IL17D: variants seen among roughly 807,000 people sequenced by gnomAD.
The protein encoded by IL17D is interleukin 17D.
A neutral mutation model predicts 5.7 loss-of-function variants in IL17D; 10 were observed. The ratio of observed to expected loss-of-function variants is 1.75; its 90% CI spans 1.08 to 2.97. IL17D has a LOEUF of 2.97. IL17D is among the 30% of genes most tolerant of loss of function. IL17D has a pLI of 0.00. For missense variants in IL17D, 354 were observed against 292.7 expected, an observed-to-expected ratio of 1.21 and a Z score of -1.53; for synonymous variants, 172 against 141.7, an observed-to-expected ratio of 1.21 and a Z score of -1.52.
intron 1 of IL17D, among the ~76,000 whole-genome samples, chr13:20,708,843 C>CAAAAAAAAAA (rs10644027): frequency 1.8e-5 from 2 of 111,842 alleles, no homozygotes. Flanking sequence ...ACTAAAAATA[C>CAAAAAAAAAA]AAAAAAAAAA....
intron 1 of IL17D, among the ~76,000 whole-genome samples, chr13:20,720,833 G>A (rs1281893133): frequency 6.6e-6 from 1 of 151,492 alleles, no homozygotes; most frequent in East Asian, 1.9e-4. Context: ...AGCTTGGCCG[G>A]TGGCCTCGGG....
intron 1 of IL17D, among the ~76,000 whole-genome samples, chr13:20,706,132 C>T (rs1422010224): frequency 1.3e-5 from 2 of 152,164 alleles, no homozygotes; most frequent in Admixed American, 6.5e-5. Flanking sequence ...CCCCTGCCCA[C>T]GGGGAAGTTG....
chr13:20,718,458 C>T (rs1566520973), intron 1 of IL17D, among the ~76,000 whole-genome samples: 1 of 145,462 alleles, frequency 6.9e-6, no homozygotes, highest in African/African-American at 2.6e-5. Context: ...GCTCACACAC[C>T]CACACACACC....
rs770654728 is a variant in IL17D, at chr13:20,721,808, G to A, written c.463G>A (p.Val155Ile). 4 of 1,609,988 alleles carry A rather than the reference G, an allele frequency of 2.5e-6. No homozygotes were observed. The Admixed American group carries it at 5.0e-5, about 20-fold the overall frequency. The change falls in exon 2 of 2, where the codon GTC (valine) becomes ATC (isoleucine). Residue 155 changes from valine to isoleucine, a missense_variant. By Grantham distance (29) the Val-to-Ile change is conservative. Transcript: ENST00000682841. Reference protein sequence around the residue: ...RTPACAGGRSVYTEAYVTIPV... With the variant: ...RTPACAGGRSIYTEAYVTIPV... Reference sequence around the variant, plus strand: ...CCCCGCCTGCGCCGGCGGCCGTTCCGTCTACACCGAGGCCTACGTCACCAT... The same window carrying A: ...CCCCGCCTGCGCCGGCGGCCGTTCCATCTACACCGAGGCCTACGTCACCAT...
rs2058682990 is a variant in IL17D, at chr13:20,716,970, G to GA, written c.291-4665dup. Reference sequence around the variant, plus strand: ...AGTTAGAGGACACATCAGGTGGCCCGATCCTCCCTCGGAATGTGTTCATTG... The same window carrying GA: ...AGTTAGAGGACACATCAGGTGGCCCGAATCCTCCCTCGGAATGTGTTCATTG... On this transcript the variant is annotated intron_variant, in intron 1 of 1. Coordinates refer to ENST00000682841, the MANE Select transcript of IL17D (RefSeq NM_001385224.1). The surrounding 1 kb of genome is among the most constrained non-coding windows in gnomAD (Gnocchi z 4.2). 6.6e-6 allele frequency: 1 copy of GA among 152,236 alleles called. No homozygotes were observed. Among genetic ancestry groups the GA allele is most frequent in the African/African-American group, 2.4e-5 (1 of 41,462 alleles). 9.4% of individuals were successfully genotyped at this position (152,236 alleles called of 1,614,324 possible).
At chr13:20,706,536 T>A (rs1378714975) in intron 1 of IL17D, among the ~76,000 whole-genome samples, 1 of 152,236 alleles carries the variant, frequency 6.6e-6, no homozygotes, top group African/African-American at 2.4e-5. Context: ...TTGATGGTAT[T>A]TGAGCAAAAT....
chr13:20,722,027 C>G lies in IL17D; in HGVS notation c.*73C>G, dbSNP rs929836531. 14 of 1,304,298 alleles carry G rather than the reference C, an allele frequency of 1.1e-5. No homozygotes were observed. Among genetic ancestry groups the G allele is most frequent in the Non-Finnish European group, 1.3e-5 (13 of 974,050 alleles). The allele number at this position is 1,304,298 out of a possible 1,614,324, so 80.8% of individuals were successfully genotyped here. On this transcript the variant is annotated 3_prime_UTR_variant, in exon 2 of 2. Transcript: ENST00000682841. ...CCAAGCTGGAGCCGCCTGGAGGGCT[C>G]GGTCGGCGACCTCTGAAGAGAGTGC...
At position 20,721,826 on chromosome 13, in the gene IL17D, G is replaced by A; in HGVS notation, c.481G>A (p.Val161Ile). The A allele has an allele frequency of 6.2e-7, 1 of 1,610,572 alleles. No individual in the cohort carries two copies. Among genetic ancestry groups the A allele is most frequent in the South Asian group, 1.1e-5 (1 of 91,062 alleles). The stretch of plus-strand genomic sequence containing the variant: ...CCGTTCCGTCTACACCGAGGCCTAC[G>A]TCACCATCCCCGTGGGCTGCACCTG... ...GGRSVYTEAY[V>I]TIPVGCTCVP... Residue 161 changes from valine to isoleucine, a missense_variant, in exon 2 of 2, where the codon GTC (valine) becomes ATC (isoleucine). By Grantham distance (29) the Val-to-Ile change is conservative. Transcript: ENST00000682841.
At chr13:20,719,359 TCACA>T (rs1176553051) in intron 1 of IL17D, among the ~76,000 whole-genome samples, 12 of 126,942 alleles carry the variant, frequency 9.5e-5, no homozygotes, top group South Asian at 5.2e-4. Context: ...CTGCCCATAC[TCACA>T]CACATGCCCA....
upstream of IL17D, chr13:20,703,463 G>A (rs899881390): frequency 6.1e-6 from 6 of 978,452 alleles, no homozygotes; most frequent in African/African-American, 8.8e-5. Flanking sequence ...AAAGACCACA[G>A]GGGGCTTCTC....
chr13:20,721,869 A>G lies in IL17D; in HGVS notation c.524A>G (p.Lys175Arg), dbSNP rs1156605538. 3 of 1,610,360 alleles carry G rather than the reference A, an allele frequency of 1.9e-6. No individual in the cohort carries two copies. In the East Asian group the frequency reaches 6.7e-5, roughly 36 times the overall value. ...VGCTCVPEPEKDADSINSSID... is the reference protein window; with the variant it reads ...VGCTCVPEPERDADSINSSID... ...TGCACCTGCGTCCCCGAGCCGGAGA[A>G]GGACGCAGACAGCATCAACTCCAGC... is the stretch of plus-strand genomic sequence containing the variant. Residue 175 changes from lysine (K) to arginine (R), a missense_variant, in exon 2 of 2, where the codon AAG (lysine) becomes AGG (arginine). Transcript: ENST00000682841.
At chr13:20,710,215 T>C (rs2058623433) in intron 1 of IL17D, among the ~76,000 whole-genome samples, 1 of 152,098 alleles carries the variant, frequency 6.6e-6, no homozygotes, top group Admixed American at 6.5e-5. Flanking sequence ...GTCAATTGGG[T>C]TGCTCAGCAA....
chr13:20,718,994 ACCCACACATGCCCATG>A (rs1367526247), intron 1 of IL17D, among the ~76,000 whole-genome samples: 1 of 116,790 alleles, frequency 8.6e-6, no homozygotes, highest in Non-Finnish European at 1.8e-5. Flanking sequence ...CCACTCACAC[ACCCACACATGCCCATG>A]CTCACACATG....
At chr13:20,719,146 CACTT>C (rs1313520223) in intron 1 of IL17D, among the ~76,000 whole-genome samples, 37 of 148,216 alleles carry the variant, frequency 2.5e-4, no homozygotes, top group Admixed American at 2.0e-3. Context: ...CACCTATCCA[CACTT>C]ACGCACACCT....
Position 20,704,076 on chromosome 13 carries a change from CGCGCGGCCGCGGGGCT to C in IL17D, c.82_97del (p.Pro28ThrfsTer88). Reference sequence around the variant, plus strand: ...GCGCCCCGAGGGCGGGCAGGCGCCCCGCGCGGCCGCGGGGCTGCGCGGACCGGCCGGAGGAGCTACT... The same window carrying C: ...GCGCCCCGAGGGCGGGCAGGCGCCCCGCGCGGACCGGCCGGAGGAGCTACT... On this transcript the variant is annotated frameshift_variant, in exon 1 of 2. Transcript: ENST00000682841. LOFTEE classifies it high-confidence loss of function. 1.8e-6 allele frequency: 2 copies of C among 1,114,064 alleles called. No homozygotes were observed. The highest frequency in any genetic ancestry group is 2.2e-6 in the Non-Finnish European group (2 of 917,736). 69.0% of individuals were successfully genotyped at this position (1,114,064 alleles called of 1,614,324 possible).
At chr13:20,704,557 C>T (rs990424437) in intron 1 of IL17D, among the ~76,000 whole-genome samples, 1 of 51,726 alleles carries the variant, frequency 1.9e-5, no homozygotes, top group South Asian at 5.5e-4. Context: ...CGGGGTGGGG[C>T]GGGGCAGTTG....
chr13:20,715,834 C>T (rs1848930818), intron 1 of IL17D, among the ~76,000 whole-genome samples: 1 of 152,056 alleles, frequency 6.6e-6, no homozygotes, highest in Non-Finnish European at 1.5e-5. Context: ...GCCTCGACCT[C>T]CCAGGCTCAA....
chr13:20,705,826 G>A (rs1265866431), intron 1 of IL17D, among the ~76,000 whole-genome samples: 1 of 152,322 alleles, frequency 6.6e-6, no homozygotes, highest in East Asian at 1.9e-4. Flanking sequence ...TCCATCCAAA[G>A]GATCTAGGGC....
chr13:20,706,753 T>C (rs189737909), intron 1 of IL17D, among the ~76,000 whole-genome samples: 147 of 152,326 alleles, frequency 9.7e-4, no homozygotes, highest in Non-Finnish European at 1.4e-3. Flanking sequence ...TTGCTACAGA[T>C]GACACCTATG....
Sources: allele counts gnomAD v4.1 joint callset (sites outside exome capture counted in the v4.1 genomes callset), GRCh38; gene constraint gnomAD v4.1.1; non-coding constraint Gnocchi (gnomAD v3.1); transcripts MANE v1.5; gene names NCBI Gene and HGNC (gene_info 2026-07-23, HGNC 2026-07-21).